Variants in MAP2K3 observed in about 807,000 individuals in gnomAD.
The protein encoded by MAP2K3 is mitogen-activated protein kinase kinase 3.
In MAP2K3, 30 loss-of-function variants were observed where a neutral mutation model predicts 46.4. The observed-to-expected ratio is 0.65, with a 90% CI of 0.48 to 0.88. The LOEUF is 0.88. Among genes scored for constraint, MAP2K3 ranks in the 40% least tolerant of loss-of-function variants. The pLI is 0.00. For synonymous variants in MAP2K3, 189 were observed against 176.3 expected, an observed-to-expected ratio of 1.07 and a Z score of -0.57; for missense variants, 380 against 464.5, an observed-to-expected ratio of 0.82 and a Z score of 1.67.
At chr17:21,304,970 AG>A in intron 8 of MAP2K3, 80 bp from the exon 9 acceptor site, 1 of 1,516,860 alleles carries the variant, frequency 6.6e-7, no homozygotes, top group South Asian at 1.1e-5. Flanking sequence ...CTGAGCGCTC[AG>A]TTTGGGGATT....
intron 1 of MAP2K3, chr17:21,291,719 A>G: frequency 1.3e-5 from 5 of 394,174 alleles, no homozygotes; most frequent in Non-Finnish European, 2.5e-5. Context: ...GTGTGCATGG[A>G]CTTGTTTGGT....
At chr17:21,305,675 C>T in intron 9 of MAP2K3, among the ~76,000 whole-genome samples, 1 of 152,310 alleles carries the variant, frequency 6.6e-6, no homozygotes, top group Non-Finnish European at 1.5e-5. Flanking sequence ...CTGGAGTTGC[C>T]TGGCAGAACC....
intron 1 of MAP2K3, among the ~76,000 whole-genome samples, chr17:21,292,523 A>T (rs981076653): frequency 9.2e-5 from 14 of 152,274 alleles, no homozygotes; most frequent in Non-Finnish European, 2.1e-4. Flanking sequence ...CGCCCACTAC[A>T]TTTTTGTTTT....
intron 7 of MAP2K3, 50 bp from the exon 8 acceptor site, chr17:21,304,376 C>T (rs769598037): frequency 1.9e-6 from 3 of 1,613,990 alleles, no homozygotes; most frequent in South Asian, 2.2e-5. Context: ...ATGGCACCTG[C>T]CTCCAGTCGT....
chr17:21,292,844 C>T (rs1976019846), intron 1 of MAP2K3, among the ~76,000 whole-genome samples: 1 of 152,312 alleles, frequency 6.6e-6, no homozygotes, highest in Non-Finnish European at 1.5e-5. Context: ...CTCTTCCTGT[C>T]CCTGGGAGGC....
intron 1 of MAP2K3, among the ~76,000 whole-genome samples, chr17:21,292,056 G>GAC (rs1975968641): frequency 6.6e-6 from 1 of 152,312 alleles, no homozygotes; most frequent in South Asian, 2.1e-4. Context: ...CTGGGGGCCT[G>GAC]ACTCTGCTGC....
chr17:21,291,828 G>A (rs2080946134), intron 1 of MAP2K3: 1 of 353,048 alleles, frequency 2.8e-6, no homozygotes, highest in South Asian at 2.1e-5. Flanking sequence ...TCAAGGTCAC[G>A]AAGGACTGTC....
intron 9 of MAP2K3, among the ~76,000 whole-genome samples, chr17:21,306,615 T>G (rs1344751801): frequency 2.0e-5 from 3 of 152,268 alleles, no homozygotes; most frequent in African/African-American, 4.8e-5. Context: ...GCCTCCCGAG[T>G]AGCTGGGATT....
intron 9 of MAP2K3, among the ~76,000 whole-genome samples, chr17:21,306,637 C>A (rs560680432): frequency 2.0e-5 from 3 of 152,404 alleles, no homozygotes; most frequent in African/African-American, 7.2e-5. Context: ...CAGGCACCAC[C>A]ATGCCCAGCT....
At chr17:21,313,589 G>C (rs1977267526) in intron 11 of MAP2K3, 52 bp downstream of exon 11, 2 of 1,394,800 alleles carry the variant, frequency 1.4e-6, no homozygotes, top group Non-Finnish European at 2.0e-6. Flanking sequence ...GGCTGGGGCT[G>C]GGTGGGGCTC....
intron 4 of MAP2K3, 21 bp downstream of exon 4, chr17:21,300,679 G>GC: frequency 6.2e-7 from 1 of 1,602,086 alleles, no homozygotes; most frequent in Non-Finnish European, 8.5e-7. Context: ...CCTGGAGGCA[G>GC]CTGGGAGGGC....
Position 21,304,547 on chromosome 17 carries a change from C to A in MAP2K3, c.690C>A (p.Tyr230Ter). The A allele has an allele frequency of 6.2e-7, 1 of 1,614,314 alleles. No individual in the cohort carries two copies. Among genetic ancestry groups the A allele is most frequent in the South Asian group, 1.1e-5 (1 of 91,092 alleles). ...CGATGGATGCCGGCTGCAAGCCCTA[C>A]ATGGCCGTGAGTGGTCCCCAAGCCC... ...AKTMDAGCKP[Y>*]MAPERINPEL... The change falls in exon 8 of 12, where the codon TAC (tyrosine) becomes TAA (stop). Residue 230 changes from tyrosine (Y) to a stop codon, truncating the protein, a stop_gained. Coordinates refer to ENST00000342679, the MANE Select transcript of MAP2K3 (RefSeq NM_145109.3). LOFTEE classifies it high-confidence loss of function.
chr17:21,291,743 C>G (rs1207867307), intron 1 of MAP2K3: 3 of 373,964 alleles, frequency 8.0e-6, no homozygotes, highest in Non-Finnish European at 1.6e-5. Context: ...CACGGCTACC[C>G]AGCAACCTGG....
At chr17:21,298,516 A>G in intron 2 of MAP2K3, 37 bp downstream of exon 2, 1 of 1,614,280 alleles carries the variant, frequency 6.2e-7, no homozygotes, top group Non-Finnish European at 8.5e-7. Flanking sequence ...CTCACCCTGG[A>G]GAGGCTTCCC....
At chr17:21,286,407 G>A (rs538997886) in intron 1 of MAP2K3, among the ~76,000 whole-genome samples, 1 of 152,384 alleles carries the variant, frequency 6.6e-6, no homozygotes, top group African/African-American at 2.4e-5. Context: ...CCTGGGGAGG[G>A]CATGGGCTCT....
intron 1 of MAP2K3, chr17:21,287,997 C>G: frequency 7.8e-7 from 1 of 1,285,456 alleles, no homozygotes. Flanking sequence ...ACAGGAAACT[C>G]TCTGTCAGCC....
At chr17:21,307,822 C>T (rs1187975383) in intron 9 of MAP2K3, among the ~76,000 whole-genome samples, 240 of 130,490 alleles carry the variant, frequency 1.8e-3, no homozygotes, top group African/African-American at 6.9e-3. Context: ...GGATTACAGG[C>T]TCGTGCCACC....
At chr17:21,299,020 G>T in intron 3 of MAP2K3, 94 bp downstream of exon 3, 6 of 1,566,362 alleles carry the variant, frequency 3.8e-6, no homozygotes, top group Non-Finnish European at 5.3e-6. Flanking sequence ...GGAGGTGACT[G>T]AGGGGTCAGA....
chr17:21,293,012 T>A (rs1479173455), intron 1 of MAP2K3, among the ~76,000 whole-genome samples: 1 of 152,304 alleles, frequency 6.6e-6, no homozygotes, highest in Non-Finnish European at 1.5e-5. Flanking sequence ...AAATGAGATG[T>A]AATGAAAGAA....
Sources: allele counts gnomAD v4.1 joint callset (sites outside exome capture counted in the v4.1 genomes callset), GRCh38; gene constraint gnomAD v4.1.1; transcripts MANE v1.5; gene names NCBI Gene and HGNC (gene_info 2026-07-23, HGNC 2026-07-21).